The following SNX22 variants were observed in gnomAD, a reference collection of about 807,000 sequenced individuals.
The protein encoded by SNX22 is sorting nexin 22.
A neutral mutation model predicts 24.7 loss-of-function variants in SNX22; 23 were observed. The ratio of observed to expected loss-of-function variants is 0.93; its 90% CI spans 0.67 to 1.32. The LOEUF (loss-of-function observed/expected upper bound fraction) is 1.32, where lower values mean the gene tolerates loss of function less well. SNX22 is among the 40% of genes most tolerant of loss of function. SNX22 has a pLI of 0.00. For synonymous variants in SNX22, 99 were observed against 104.0 expected, an observed-to-expected ratio of 0.95 and a Z score of 0.29; for missense variants, 261 against 249.9, an observed-to-expected ratio of 1.04 and a Z score of -0.30.
chr15:64,155,515 A>C lies in SNX22; in HGVS notation c.*1007A>C. 2.4e-5 allele frequency: 1 copy of C among 40,874 alleles called. No individual in the cohort carries two copies. The highest frequency in any genetic ancestry group is 3.9e-5 in the African/African-American group (1 of 25,654). The allele number at this position is 40,874 out of a possible 1,614,324, so 2.5% of individuals were successfully genotyped here. On this transcript the variant is annotated 3_prime_UTR_variant, in exon 7 of 7. Transcript: ENST00000325881. ...ATAGTGAGACCTGTCTCTACCAAAA[A>C]AAAAAAAAAAAAAAAAAAATCAATT...
Position 64,155,705 on chromosome 15 carries a change from C to G in SNX22, c.*1197C>G. ...GTAGCTCCTGGGTCAAAATTTCAGG[C>G]AGGATCCCAGGGAAGGGGCAGGCAC... On this transcript the variant is annotated 3_prime_UTR_variant, in exon 7 of 7. Coordinates refer to ENST00000325881, the MANE Select transcript of SNX22 (RefSeq NM_024798.3). 2.9e-6 allele frequency: 1 copy of G among 343,568 alleles called. No homozygotes were observed. Among genetic ancestry groups the G allele is most frequent in the South Asian group, 2.8e-5 (1 of 36,222 alleles). The allele number at this position is 343,568 out of a possible 1,614,324, so 21.3% of individuals were successfully genotyped here.
In SNX22 at chr15:64,151,836, G is replaced by A. The variant is rs768350689; in HGVS notation, c.61G>A (p.Glu21Lys). 7 of 1,538,104 alleles carry A rather than the reference G, an allele frequency of 4.6e-6. No homozygotes were observed. In the East Asian group the frequency reaches 1.7e-4, roughly 38 times the overall value. The part of the protein sequence containing the change: ...PEAEGPRQSP[E>K]KSHMVFRVEV... ...GGCCGAGGGGCCCAGGCAGAGCCCG[G>A]AGAAAAGCCACATGGTGAGCGCGGC... Residue 21 changes from glutamate (E) to lysine (K), a missense_variant, in exon 1 of 7, where the codon GAG becomes AAG. By Grantham distance (56) the Glu-to-Lys change is moderately conservative (BLOSUM62 1). Coordinates refer to ENST00000325881, the MANE Select transcript of SNX22 (RefSeq NM_024798.3).
At chr15:64,153,397 G>A in intron 4 of SNX22, 58 bp downstream of exon 4, 1 of 1,607,696 alleles carries the variant, frequency 6.2e-7, no homozygotes, top group Non-Finnish European at 8.5e-7. Flanking sequence ...GTGAGGAAAG[G>A]TGTTGGAGGG....
intron 3 of SNX22, 91 bp downstream of exon 3, chr15:64,152,833 C>A (rs1596023754): frequency 8.8e-7 from 1 of 1,137,646 alleles, no homozygotes; most frequent in Non-Finnish European, 1.3e-6. Context: ...AGGGAGGGAA[C>A]CCACAACTTG....
chr15:64,155,510 C>CAAAAAAAAAAA lies in SNX22; in HGVS notation c.*1016_*1026dup, dbSNP rs3056904. On this transcript the variant is annotated 3_prime_UTR_variant, in exon 7 of 7. Coordinates refer to ENST00000325881, the MANE Select transcript of SNX22 (RefSeq NM_024798.3). ...GCAACATAGTGAGACCTGTCTCTAC[C>CAAAAAAAAAAA]AAAAAAAAAAAAAAAAAAAAAAAAT... 1.6e-5 allele frequency: 2 copies of CAAAAAAAAAAA among 123,942 alleles called. No homozygotes were observed. The highest frequency in any genetic ancestry group is 8.6e-5 in the African/African-American group (2 of 23,250). The allele number at this position is 123,942 out of a possible 1,614,324, so 7.7% of individuals were successfully genotyped here.
chr15:64,151,838 G>GA lies in SNX22; in HGVS notation c.67dup (p.Ser23LysfsTer95), dbSNP rs1310798351. 3 of 1,537,910 alleles carry GA rather than the reference G, an allele frequency of 2.0e-6. No individual in the cohort carries two copies. The highest frequency in any genetic ancestry group is 2.6e-6 in the Non-Finnish European group (3 of 1,144,156). On this transcript the variant is annotated frameshift_variant, in exon 1 of 7. Transcript: ENST00000325881. LOFTEE classifies it high-confidence loss of function. Reference sequence around the variant, plus strand: ...CCGAGGGGCCCAGGCAGAGCCCGGAGAAAAGCCACATGGTGAGCGCGGCCC... The same window carrying GA: ...CCGAGGGGCCCAGGCAGAGCCCGGAGAAAAAGCCACATGGTGAGCGCGGCCC...
At chr15:64,152,363 G>A (rs1202902574) in intron 2 of SNX22, 37 bp downstream of exon 2, 1 of 1,489,020 alleles carries the variant, frequency 6.7e-7, no homozygotes, top group Non-Finnish European at 8.9e-7. Flanking sequence ...CCCCGGCCCA[G>A]CCTCTGTCCA....
rs745682853 is a variant in SNX22 at position 64,153,357 on chromosome 15, CG to C, written c.359+23del. ...AACTGGGGGTAAGGGGGGCCGATGG[CG>C]GGGGCCAGGGGCTGTCAGCAGTGAG... is the stretch of plus-strand genomic sequence containing the variant. On this transcript the variant is annotated intron_variant, in intron 4 of 6. Transcript: ENST00000325881. 1.1e-5 allele frequency: 17 copies of C among 1,612,802 alleles called. No homozygotes were observed. The East Asian group carries it at 3.8e-4, about 36-fold the overall frequency.
intron 6 of SNX22, 32 bp from the exon 7 acceptor site, chr15:64,154,355 T>G (rs1343692925): frequency 6.2e-7 from 1 of 1,613,066 alleles, no homozygotes; most frequent in South Asian, 1.1e-5. Context: ...GCTGCAGGTC[T>G]GAGGCCAGAC....
rs923376942 is a variant in SNX22, at chr15:64,154,723, G to A, written c.*215G>A. 1.4e-5 allele frequency: 7 copies of A among 515,732 alleles called. No homozygotes were observed. Among genetic ancestry groups the A allele is most frequent in the Admixed American group, 1.0e-4 (3 of 28,910 alleles). 31.9% of individuals were successfully genotyped at this position (515,732 alleles called of 1,614,324 possible). The stretch of plus-strand genomic sequence containing the variant: ...CTCTTAGAGCCCAACAGCCAAGGCA[G>A]GGTCAAGAAGATAAGTAATAAAAGA... On this transcript the variant is annotated 3_prime_UTR_variant, in exon 7 of 7. Coordinates refer to ENST00000325881, the MANE Select transcript of SNX22 (RefSeq NM_024798.3).
At position 64,156,059 on chromosome 15, in the gene SNX22, G is replaced by A. The variant is rs1596027267; in HGVS notation, c.*1551G>A. On this transcript the variant is annotated 3_prime_UTR_variant, in exon 7 of 7. Coordinates refer to ENST00000325881, the MANE Select transcript of SNX22 (RefSeq NM_024798.3). This position sits in a 1 kb window ranked among gnomAD's most constrained non-coding sequence, Gnocchi z 6.4. ...CGATGGCAAAGGGCTTCTCCACCTC[G>A]ATCTTGCCGCAGTCTGCGATGATCA... 3.1e-6 allele frequency: 5 copies of A among 1,614,184 alleles called. No homozygotes were observed. Among genetic ancestry groups the A allele is most frequent in the Non-Finnish European group, 3.4e-6 (4 of 1,180,036 alleles).
chr15:64,152,184 GC>G (rs2081491058), intron 1 of SNX22, 58 bp from the exon 2 acceptor site: 1 of 1,341,172 alleles, frequency 7.5e-7, no homozygotes. Context: ...AGGCGCAGGT[GC>G]TGCGGCGTCC....
chr15:64,156,578 G>A lies in SNX22; in HGVS notation c.*2070G>A. ...AGAACCTTGGAGGCATGGAGGTACA[G>A]GGTTTATTCTGGACAGGAGCACTGG... On this transcript the variant is annotated 3_prime_UTR_variant, in exon 7 of 7. Coordinates refer to ENST00000325881, the MANE Select transcript of SNX22 (RefSeq NM_024798.3). The surrounding 1 kb of genome is among the most constrained non-coding windows in gnomAD (Gnocchi z 6.4). The A allele has an allele frequency of 2.0e-6, 2 of 1,004,850 alleles. No individual in the cohort carries two copies. Among genetic ancestry groups the A allele is most frequent in the Non-Finnish European group, 1.6e-6 (1 of 632,950 alleles). 62.2% of individuals were successfully genotyped at this position (1,004,850 alleles called of 1,614,324 possible). A position where few individuals can be genotyped will look rare whatever the true frequency, so the allele number is the denominator to read the frequency against.
At position 64,156,617 on chromosome 15, in the gene SNX22, GTTGGGTCCT is replaced by G; in HGVS notation, c.*2112_*2120del. On this transcript the variant is annotated 3_prime_UTR_variant, in exon 7 of 7. Coordinates refer to ENST00000325881, the MANE Select transcript of SNX22 (RefSeq NM_024798.3). The surrounding 1 kb of genome is among the most constrained non-coding windows in gnomAD (Gnocchi z 6.4). ...CAGGAGCACTGGGCTGCATCTGTGG[GTTGGGTCCT>G]TTTGGGAAAGGGATGGACACATGGA... is the stretch of plus-strand genomic sequence containing the variant. 7.5e-7 allele frequency: 1 copy of G among 1,338,442 alleles called. No homozygotes were observed. The allele number at this position is 1,338,442 out of a possible 1,614,324, so 82.9% of individuals were successfully genotyped here. A position where few individuals can be genotyped will look rare whatever the true frequency, so the allele number is the denominator to read the frequency against.
rs2081512852 is a variant in SNX22 at position 64,154,548 on chromosome 15, G to A, written c.*40G>A. 6 of 1,611,160 alleles carry A rather than the reference G, an allele frequency of 3.7e-6. No individual in the cohort carries two copies. The highest frequency in any genetic ancestry group is 1.7e-4 in the Middle Eastern group (1 of 6,048). On this transcript the variant is annotated 3_prime_UTR_variant, in exon 7 of 7. Coordinates refer to ENST00000325881, the MANE Select transcript of SNX22 (RefSeq NM_024798.3). ...TTTGGCTGCCTCCTAAGAAAGTCAT[G>A]TGCCTCTGTCCTATGAACTCCATAT...
intron 4 of SNX22, 112 bp downstream of exon 4, chr15:64,153,451 C>G (rs1214713594): frequency 6.4e-7 from 1 of 1,554,684 alleles, no homozygotes; most frequent in East Asian, 2.3e-5. Flanking sequence ...GCATGACCGC[C>G]CTCACCAGCT....
In SNX22 at chr15:64,157,124, G is replaced by A. The variant is rs2081539299; in HGVS notation, c.*2616G>A. On this transcript the variant is annotated 3_prime_UTR_variant, in exon 7 of 7. Coordinates refer to ENST00000325881, the MANE Select transcript of SNX22 (RefSeq NM_024798.3). The surrounding 1 kb of genome is among the most constrained non-coding windows in gnomAD (Gnocchi z 4.2). ...TGGGGCATCAGGCCAGGCTGATGTG[G>A]TGAACAGCTCACAGAAGGATTACTT... 3.7e-5 allele frequency: 22 copies of A among 598,410 alleles called. No homozygotes were observed. The South Asian group carries it at 4.2e-4, about 12-fold the overall frequency. The allele number at this position is 598,410 out of a possible 1,614,324, so 37.1% of individuals were successfully genotyped here. A position where few individuals can be genotyped will look rare whatever the true frequency, so the allele number is the denominator to read the frequency against.
At position 64,156,907 on chromosome 15, in the gene SNX22, T is replaced by C. The variant is rs2081537340; in HGVS notation, c.*2399T>C. The C allele has an allele frequency of 6.2e-7, 1 of 1,613,926 alleles. No homozygotes were observed. The highest frequency in any genetic ancestry group is 1.3e-5 in the African/African-American group (1 of 74,912). Reference sequence around the variant, plus strand: ...GGGAAGCGCTCACCGTAGATGCTCTTTCCTGGGAAAAAAGACAGAGCAGGT... The same window carrying C: ...GGGAAGCGCTCACCGTAGATGCTCTCTCCTGGGAAAAAAGACAGAGCAGGT... On this transcript the variant is annotated 3_prime_UTR_variant, in exon 7 of 7. Coordinates refer to ENST00000325881, the MANE Select transcript of SNX22 (RefSeq NM_024798.3). This position sits in a 1 kb window ranked among gnomAD's most constrained non-coding sequence, Gnocchi z 6.4.
Position 64,153,687 on chromosome 15 carries a change from A to T in SNX22, c.392+3A>T. ...GAGTTCCTGCCTGGCGACAGCAGGC[A>T]AGTCAAAGCCCTAGCCCGCGCTTGG... On this transcript the variant is annotated splice_donor_region_variant and intron_variant, in intron 5 of 6. Coordinates refer to ENST00000325881, the MANE Select transcript of SNX22 (RefSeq NM_024798.3). The T allele has an allele frequency of 6.2e-7, 1 of 1,614,058 alleles. No homozygotes were observed. The highest frequency in any genetic ancestry group is 8.5e-7 in the Non-Finnish European group (1 of 1,179,994).
Sources: gnomAD v4.1 joint callset for allele counts on GRCh38, gnomAD v4.1.1 for gene constraint, Gnocchi (gnomAD v3.1) non-coding constraint, MANE v1.5 for transcripts, NCBI Gene and HGNC (gene_info 2026-07-23, HGNC 2026-07-21) for gene names.